Variants in CNKSR3 observed in about 807,000 individuals in gnomAD.
The protein encoded by CNKSR3 is connector enhancer of kinase suppressor of ras 3.
CNKSR3 carries 36 observed loss-of-function variants against 67.7 expected under a neutral mutation model. The observed-to-expected ratio is 0.53, with a 90% confidence interval of 0.41 to 0.70. The LOEUF is 0.70. Ranked by LOEUF, CNKSR3 falls within the 30% of genes least tolerant of loss-of-function variation. The probability of loss-of-function intolerance (pLI) is 0.00; values close to 1 mark genes in which losing one functional copy is unlikely to be tolerated. For missense variants in CNKSR3, 630 were observed against 695.2 expected (o/e 0.91, Z 1.05); for synonymous variants, 281 against 271.4 (o/e 1.04, Z -0.35).
chr6:154,452,071 G>T (rs1211284511), intron 1 of CNKSR3, among the ~76,000 whole-genome samples: 1 of 152,194 alleles, frequency 6.6e-6, no homozygotes, highest in Non-Finnish European at 1.5e-5. Context: ...GTCTGCGGGG[G>T]AGGCAGTATC....
At position 154,510,248 on chromosome 6, in the gene CNKSR3, T is replaced by C. The variant is rs887819352; in HGVS notation, c.-134A>G. 43 of 982,084 alleles carry C rather than the reference T, an allele frequency of 4.4e-5. No homozygotes were observed. The African/African-American group carries it at 6.3e-4, about 14-fold the overall frequency. 60.8% of individuals were successfully genotyped at this position (982,084 alleles called of 1,614,324 possible). On this transcript the variant is annotated 5_prime_UTR_variant, in exon 1 of 13. The change abolishes an upstream ATG in the 5' untranslated region. Coordinates refer to ENST00000607772, the MANE Select transcript of CNKSR3 (RefSeq NM_173515.4). The stretch of plus-strand genomic sequence containing the variant: ...CCCGAGCGACTCCGTCAAGACTGCA[T>C]GGCCGCGGTCAGCCAGTCGTCCCAG...
At chr6:154,448,233 G>A (rs1004918073) in intron 2 of CNKSR3, among the ~76,000 whole-genome samples, 1 of 151,980 alleles carries the variant, frequency 6.6e-6, no homozygotes, top group Non-Finnish European at 1.5e-5. Context: ...CAGCTGTTAC[G>A]TTTATCATCC....
chr6:154,453,878 G>A (rs1191280387), intron 1 of CNKSR3, among the ~76,000 whole-genome samples: 5 of 152,006 alleles, frequency 3.3e-5, no homozygotes, highest in Non-Finnish European at 5.9e-5. Flanking sequence ...AGAAAGTCTA[G>A]CAGGACCAAG....
At chr6:154,467,193 C>G (rs965508283) in intron 1 of CNKSR3, among the ~76,000 whole-genome samples, 1 of 152,166 alleles carries the variant, frequency 6.6e-6, no homozygotes, top group African/African-American at 2.4e-5. Context: ...CAGATACCCA[C>G]CGGGAGTAGA....
rs1784721200 is a variant in CNKSR3, at chr6:154,401,914, CA to C, written c.*4439del. ...GATGAAAAGTTTTGTGTCAATACCTCAGGGTTTGCTGCAATACTAACAACCT... is the reference window on the plus strand; with the variant it reads ...GATGAAAAGTTTTGTGTCAATACCTCGGGTTTGCTGCAATACTAACAACCT... On this transcript the variant is annotated 3_prime_UTR_variant, in exon 13 of 13. Coordinates refer to ENST00000607772, the MANE Select transcript of CNKSR3 (RefSeq NM_173515.4). 1.3e-5 allele frequency: 2 copies of C among 152,012 alleles called. No individual in the cohort carries two copies. Among genetic ancestry groups the C allele is most frequent in the Non-Finnish European group, 2.9e-5 (2 of 68,008 alleles). 9.4% of individuals were successfully genotyped at this position (152,012 alleles called of 1,614,324 possible).
At chr6:154,444,795 C>T (rs1334134327) in intron 2 of CNKSR3, among the ~76,000 whole-genome samples, 2 of 151,910 alleles carry the variant, frequency 1.3e-5, no homozygotes, top group African/African-American at 2.4e-5. Flanking sequence ...TTAGTAGAGA[C>T]GGGGTTTCAC....
At chr6:154,418,403 G>A (rs761519791) in intron 9 of CNKSR3, among the ~76,000 whole-genome samples, 5 of 152,236 alleles carry the variant, frequency 3.3e-5, no homozygotes, top group Non-Finnish European at 5.9e-5. Flanking sequence ...GCCCTTCCCC[G>A]ATGGTGGTCT....
At chr6:154,495,356 C>CTT (rs149762490) in intron 1 of CNKSR3, among the ~76,000 whole-genome samples, 28 of 129,612 alleles carry the variant, frequency 2.2e-4, no homozygotes, top group African/African-American at 2.6e-4. Flanking sequence ...GAATTCAACA[C>CTT]TTTTTTTTTT....
rs539224203 is a variant in CNKSR3 at position 154,441,426 on chromosome 6, C to A, written c.420-47G>T. On this transcript the variant is annotated intron_variant, in intron 3 of 12. Coordinates refer to ENST00000607772, the MANE Select transcript of CNKSR3 (RefSeq NM_173515.4). ...CTTAAAAAGGGGTAGGGAGAATCCA[C>A]GGGGATCCCACTGGATGTTGGTAAG... is the stretch of plus-strand genomic sequence containing the variant. 8.8e-6 allele frequency: 12 copies of A among 1,366,964 alleles called. No homozygotes were observed. The South Asian group carries it at 1.4e-4, about 16-fold the overall frequency. 84.7% of individuals were successfully genotyped at this position (1,366,964 alleles called of 1,614,324 possible). A position where few individuals can be genotyped will look rare whatever the true frequency, so the allele number is the denominator to read the frequency against.
intron 1 of CNKSR3, among the ~76,000 whole-genome samples, chr6:154,477,169 A>G (rs1786468918): frequency 6.6e-6 from 1 of 152,208 alleles, no homozygotes; most frequent in African/African-American, 2.4e-5. Flanking sequence ...ATTTCAAAAA[A>G]AGACAATTCC....
At chr6:154,507,521 A>G (rs1342396889) in intron 1 of CNKSR3, among the ~76,000 whole-genome samples, 1 of 152,240 alleles carries the variant, frequency 6.6e-6, no homozygotes, top group African/African-American at 2.4e-5. Flanking sequence ...TTGTAAGTCG[A>G]TAGTTCATTA....
chr6:154,407,918 G>A (rs147292335), intron 12 of CNKSR3, among the ~76,000 whole-genome samples: 12 of 141,056 alleles, frequency 8.5e-5, no homozygotes, highest in East Asian at 8.3e-4. Context: ...ACAGTGGCAC[G>A]TTGAATAAAT....
chr6:154,407,885 A>AAC (rs1554230766), intron 12 of CNKSR3, among the ~76,000 whole-genome samples: 2 of 151,116 alleles, frequency 1.3e-5, no homozygotes, highest in African/African-American at 2.4e-5. Context: ...AAAAAAAAAA[A>AAC]AAAAAAAAAA....
At chr6:154,453,357 G>C (rs1003993832) in intron 1 of CNKSR3, among the ~76,000 whole-genome samples, 1 of 152,170 alleles carries the variant, frequency 6.6e-6, no homozygotes, top group Non-Finnish European at 1.5e-5. Flanking sequence ...GGAATGGTGA[G>C]AGTTCTAGAC....
chr6:154,419,897 T>C, intron 9 of CNKSR3, among the ~76,000 whole-genome samples: 1 of 151,940 alleles, frequency 6.6e-6, no homozygotes, highest in East Asian at 1.9e-4. Context: ...CTGGCCAATA[T>C]GGTGAAACTC....
chr6:154,504,283 T>G (rs1486386610), intron 1 of CNKSR3, among the ~76,000 whole-genome samples: 2 of 152,208 alleles, frequency 1.3e-5, no homozygotes, highest in Non-Finnish European at 2.9e-5. Context: ...CTGCCCCGGA[T>G]CCTCTGACCA....
Position 154,403,140 on chromosome 6 carries a change from A to T in CNKSR3, c.*3214T>A, listed in dbSNP as rs1784734760. 6.6e-6 allele frequency: 1 copy of T among 152,136 alleles called. No homozygotes were observed. The highest frequency in any genetic ancestry group is 2.1e-4 in the South Asian group (1 of 4,832). The allele number at this position is 152,136 out of a possible 1,614,324, so 9.4% of individuals were successfully genotyped here. A position where few individuals can be genotyped will look rare whatever the true frequency, so the allele number is the denominator to read the frequency against. On this transcript the variant is annotated 3_prime_UTR_variant, in exon 13 of 13. Transcript: ENST00000607772. ...TGCTATAAAATATTATAATAGGGGT[A>T]GGTGTTGAGTTGTGTCTGGGAGAGT...
rs550261409 is a variant in CNKSR3, at chr6:154,451,130, G to A, written c.53-872C>T. 6.1e-5 allele frequency among the ~76,000 whole-genome samples: 5 copies of A among 82,240 alleles called. No homozygotes were observed. In the Admixed American group the frequency reaches 6.9e-4, roughly 11 times the overall value. The allele number at this position is 82,240 out of a possible 152,430, so 54.0% of individuals were successfully genotyped here. A position where few individuals can be genotyped will look rare whatever the true frequency, so the allele number is the denominator to read the frequency against. On this transcript the variant is annotated intron_variant, in intron 1 of 12. Coordinates refer to ENST00000607772, the MANE Select transcript of CNKSR3 (RefSeq NM_173515.4). ...TACCACATAGAAAGGCATGGTAAAT[G>A]GGTTCGCTTACGGGAATTTTTCCAG...
At chr6:154,475,873 T>TA (rs11395738) in intron 1 of CNKSR3, among the ~76,000 whole-genome samples, 14,682 of 152,030 alleles carry the variant, frequency 0.097, 1,110 homozygotes, top group African/African-American at 0.2. Flanking sequence ...TCAAAGATGA[T>TA]AAAAAAACCT....
Sources: gnomAD v4.1 joint callset for allele counts (sites outside exome capture counted in the v4.1 genomes callset) on GRCh38, gnomAD v4.1.1 for gene constraint, MANE v1.5 for transcripts, NCBI Gene and HGNC (gene_info 2026-07-23, HGNC 2026-07-21) for gene names.